DSCAM: variants seen among roughly 807,000 people sequenced by gnomAD.
DSCAM encodes DS cell adhesion molecule, also known as cell adhesion molecule DSCAM.
DSCAM carries 47 observed loss-of-function variants against 217.7 expected under a neutral mutation model. The observed-to-expected ratio is 0.22, with a 90% CI of 0.17 to 0.28. The LOEUF (loss-of-function observed/expected upper bound fraction) is 0.28, where lower values mean the gene tolerates loss of function less well. DSCAM is among the 10% of genes least tolerant of loss of function. The probability of loss-of-function intolerance (pLI) is 1.00; values close to 1 mark genes in which losing one functional copy is unlikely to be tolerated. For synonymous variants in DSCAM, 1,056 were observed against 1,015.3 expected (o/e 1.04, Z -0.76); for missense variants, 2,080 against 2,618.3 (o/e 0.79, Z 4.49).
chr21:40,023,145 A>T (rs2088307741), intron 32 of DSCAM, among the ~76,000 whole-genome samples: 2 of 151,126 alleles, frequency 1.3e-5, no homozygotes, highest in Admixed American at 1.3e-4. Flanking sequence ...TTCTTGCGAT[A>T]GTTTACTGAG....
chr21:40,265,545 G>A (rs749237658), intron 11 of DSCAM, among the ~76,000 whole-genome samples: 1 of 151,198 alleles, frequency 6.6e-6, no homozygotes, highest in Non-Finnish European at 1.5e-5. Context: ...AAAGAAATCC[G>A]AAGCAAAAAG....
intron 21 of DSCAM, among the ~76,000 whole-genome samples, chr21:40,087,676 A>G (rs887517411): frequency 6.6e-6 from 1 of 152,264 alleles, no homozygotes; most frequent in African/African-American, 2.4e-5. Flanking sequence ...GAAAGTAGAC[A>G]ATACAAAACA....
intron 14 of DSCAM, 116 bp downstream of exon 14, chr21:40,187,015 G>T: frequency 7.8e-7 from 1 of 1,285,014 alleles, no homozygotes; most frequent in Non-Finnish European, 1.1e-6. Flanking sequence ...GGGAAGTGGT[G>T]CCCTCTGAGC....
intron 32 of DSCAM, among the ~76,000 whole-genome samples, chr21:40,028,570 C>T (rs986009209): frequency 2.1e-4 from 32 of 152,108 alleles, no homozygotes; most frequent in African/African-American, 3.1e-4. Flanking sequence ...GTTTTAAGCC[C>T]GTCAGAAAAG....
At chr21:40,291,025 G>GTC (rs2073885399) in intron 10 of DSCAM, among the ~76,000 whole-genome samples, 1 of 152,180 alleles carries the variant, frequency 6.6e-6, no homozygotes, top group Non-Finnish European at 1.5e-5. Context: ...TCTGCATAGA[G>GTC]AGGAGCCCAA....
chr21:40,488,047 G>A (rs184609352), intron 3 of DSCAM, among the ~76,000 whole-genome samples: 2 of 152,332 alleles, frequency 1.3e-5, no homozygotes, highest in African/African-American at 4.8e-5. Flanking sequence ...TGATGTTTCT[G>A]TCTTTCTAAC....
At chr21:40,625,813 C>T (rs536190819) in intron 3 of DSCAM, among the ~76,000 whole-genome samples, 27 of 152,172 alleles carry the variant, frequency 1.8e-4, no homozygotes, top group Non-Finnish European at 3.5e-4. Flanking sequence ...TTCCCTTTAG[C>T]TGGCATTCTC....
intron 3 of DSCAM, among the ~76,000 whole-genome samples, chr21:40,623,236 C>A (rs2089546946): frequency 4.9e-5 from 2 of 40,638 alleles, no homozygotes; most frequent in Non-Finnish European, 5.0e-5. Context: ...TGAAGCTATT[C>A]AGAAAAAAAA....
At chr21:40,592,206 G>A (rs1186966106) in intron 3 of DSCAM, among the ~76,000 whole-genome samples, 3 of 152,260 alleles carry the variant, frequency 2.0e-5, no homozygotes, top group South Asian at 2.1e-4. Context: ...TTTTTCAGGT[G>A]AGAAATTACT....
intron 1 of DSCAM, among the ~76,000 whole-genome samples, chr21:40,838,320 G>A (rs933730443): frequency 4.6e-5 from 7 of 152,192 alleles, no homozygotes; most frequent in African/African-American, 1.7e-4. Context: ...ACCTGAAGTG[G>A]CATGGATGGC....
intron 6 of DSCAM, among the ~76,000 whole-genome samples, chr21:40,341,186 T>C (rs1184009841): frequency 1.3e-5 from 2 of 152,226 alleles, no homozygotes; most frequent in Non-Finnish European, 1.5e-5. Context: ...ATTGATGCTT[T>C]TGTCTTTAAC....
chr21:40,251,669 G>T (rs1481605810), intron 11 of DSCAM, among the ~76,000 whole-genome samples: 1 of 152,154 alleles, frequency 6.6e-6, no homozygotes, highest in Non-Finnish European at 1.5e-5. Flanking sequence ...CCTGTCCCCT[G>T]ATATTCATGC....
chr21:40,152,065 A>G (rs1376468482), intron 16 of DSCAM, among the ~76,000 whole-genome samples: 3 of 152,118 alleles, frequency 2.0e-5, no homozygotes, highest in Non-Finnish European at 4.4e-5. Context: ...TCACCTGGTA[A>G]CCAGTCATCT....
At chr21:40,833,217 C>T (rs2092026498) in intron 1 of DSCAM, among the ~76,000 whole-genome samples, 1 of 152,254 alleles carries the variant, frequency 6.6e-6, no homozygotes, top group Middle Eastern at 3.4e-3. Context: ...CGTTTCTCCA[C>T]ATCTAGTATC....
chr21:40,756,196 T>C (rs889342749), intron 1 of DSCAM, among the ~76,000 whole-genome samples: 1 of 152,114 alleles, frequency 6.6e-6, no homozygotes, highest in East Asian at 1.9e-4. Flanking sequence ...ATCTGGTTAT[T>C]TGAAAGTTTG....
chr21:40,391,584 G>C (rs1247671938), intron 3 of DSCAM, among the ~76,000 whole-genome samples: 8 of 152,206 alleles, frequency 5.3e-5, no homozygotes, highest in Admixed American at 5.2e-4. Context: ...CTCCAGGGTT[G>C]TTCATACTGT....
chr21:40,693,803 T>A (rs73220295), intron 2 of DSCAM, among the ~76,000 whole-genome samples: 3 of 152,074 alleles, frequency 2.0e-5, no homozygotes, highest in East Asian at 1.9e-4. Flanking sequence ...GATAGGAGCA[T>A]CCCAGAAAGA....
chr21:40,707,099 T>C (rs1018493251), intron 2 of DSCAM, among the ~76,000 whole-genome samples: 7 of 152,218 alleles, frequency 4.6e-5, no homozygotes, highest in African/African-American at 1.7e-4. Flanking sequence ...GAGTAAGCAT[T>C]TCATTCCTTT....
At chr21:40,364,072 T>A (rs963199198) in intron 4 of DSCAM, among the ~76,000 whole-genome samples, 2 of 152,228 alleles carry the variant, frequency 1.3e-5, no homozygotes, top group African/African-American at 4.8e-5. Context: ...ACTTTTACAC[T>A]GTTGGTGGGA....
Sources: gnomAD v4.1 joint callset for allele counts (sites outside exome capture counted in the v4.1 genomes callset) on GRCh38, gnomAD v4.1.1 for gene constraint, MANE v1.5 for transcripts, NCBI Gene and HGNC (gene_info 2026-07-23, HGNC 2026-07-21) for gene names.